The following ATG2B variants were observed in gnomAD, a reference collection of about 807,000 sequenced individuals.
ATG2B encodes the protein autophagy related 2B.
ATG2B carries 121 observed loss-of-function variants against 241.3 expected under a neutral mutation model. The ratio of observed to expected loss-of-function variants is 0.50; its 90% CI spans 0.43 to 0.58. The LOEUF (loss-of-function observed/expected upper bound fraction) is 0.58, where lower values mean the gene tolerates loss of function less well. ATG2B is among the 20% of genes least tolerant of loss of function. The pLI, the probability that ATG2B is intolerant of heterozygous loss-of-function variation, is 0.00. For missense variants in ATG2B, 2,306 were observed against 2,491.6 expected (o/e 0.93, Z 1.59); for synonymous variants, 858 against 876.6 (o/e 0.98, Z 0.37).
At chr14:96,327,435 T>G (rs1395156578) in intron 14 of ATG2B, among the ~76,000 whole-genome samples, 1 of 152,132 alleles carries the variant, frequency 6.6e-6, no homozygotes, top group East Asian at 1.9e-4. Context: ...TTTAATTTGC[T>G]TAGAAAAGAC....
At chr14:96,293,354 T>C (rs936352984) in intron 36 of ATG2B, 1 of 152,018 alleles carries the variant, frequency 6.6e-6, no homozygotes, top group Non-Finnish European at 1.5e-5. Context: ...CTCACTTTTT[T>C]TTTCTCCATG....
In ATG2B at chr14:96,284,762, A is replaced by C. The variant is rs1453869269; in HGVS notation, c.*993T>G. On this transcript the variant is annotated 3_prime_UTR_variant, in exon 42 of 42. Coordinates refer to ENST00000359933, the MANE Select transcript of ATG2B (RefSeq NM_018036.7). ...AAAACAATATCACCTTTAAATAAAA[A>C]TACTTTATTCATTCCTGATAGGTTA... The C allele has an allele frequency of 6.6e-6, 1 of 152,258 alleles. No individual in the cohort carries two copies. Among genetic ancestry groups the C allele is most frequent in the Admixed American group, 6.5e-5 (1 of 15,286 alleles). The allele number at this position is 152,258 out of a possible 1,614,324, so 9.4% of individuals were successfully genotyped here.
rs370728333 is a variant in ATG2B, at chr14:96,303,230, G to A, written c.4868C>T (p.Pro1623Leu). 1.3e-5 allele frequency: 20 copies of A among 1,594,702 alleles called. No individual in the cohort carries two copies. In the African/African-American group the frequency reaches 1.5e-4, roughly 12 times the overall value. ...GGAATCACAATCAGGTTTGCATGGC[G>A]GGTAGACTTCATGCTGAAACTTCAC... The part of the protein sequence containing the change: ...SKVKFQHEVY[P>L]PCKPDCDSSL... The change falls in exon 33 of 42, where the codon CCG (proline) becomes CTG (leucine). Residue 1623 changes from proline (P) to leucine (L), a missense_variant. Pro to Leu is a moderately conservative substitution (Grantham distance 98). This residue lies in a region of ATG2B where 1,927 missense variants were observed against 2,011.2 expected (regional missense o/e 0.96). Transcript: ENST00000359933.
chr14:96,298,469 A>C (rs1886707304), intron 34 of ATG2B, among the ~76,000 whole-genome samples: 1 of 152,254 alleles, frequency 6.6e-6, no homozygotes, highest in African/African-American at 2.4e-5. Context: ...GCCCATAAAA[A>C]GACTTCTACA....
chr14:96,292,451 T>G (rs868603174), intron 36 of ATG2B, among the ~76,000 whole-genome samples: 4 of 152,156 alleles, frequency 2.6e-5, no homozygotes, highest in African/African-American at 9.6e-5. Flanking sequence ...TATTCTTATA[T>G]ATATTCACAA....
intron 29 of ATG2B, 138 bp from the exon 30 acceptor site, chr14:96,307,054 G>T: frequency 1.3e-6 from 1 of 742,020 alleles, no homozygotes; most frequent in Non-Finnish European, 2.1e-6. Flanking sequence ...CTATGAATCT[G>T]AGGCTTAAAG....
chr14:96,280,138 C>A lies in ATG2B; in HGVS notation c.*5617G>T, dbSNP rs898039719. On this transcript the variant is annotated 3_prime_UTR_variant, in exon 42 of 42. Coordinates refer to ENST00000359933, the MANE Select transcript of ATG2B (RefSeq NM_018036.7). ...CAGAAGAGGGGAGAGGGGCTGGAGA[C>A]GCCAGGAAGAGATCAAGCACATTTT... 1 of 152,246 alleles carries A rather than the reference C, an allele frequency of 6.6e-6. No homozygotes were observed. Among genetic ancestry groups the A allele is most frequent in the African/African-American group, 2.4e-5 (1 of 41,440 alleles). 9.4% of individuals were successfully genotyped at this position (152,246 alleles called of 1,614,324 possible).
chr14:96,290,275 A>G lies in ATG2B; in HGVS notation c.5856+161T>C. On this transcript the variant is annotated intron_variant, in intron 40 of 41. Coordinates refer to ENST00000359933, the MANE Select transcript of ATG2B (RefSeq NM_018036.7). This position sits in a 1 kb window ranked among gnomAD's most constrained non-coding sequence, Gnocchi z 4.4. The stretch of plus-strand genomic sequence containing the variant: ...TGCTTTATTCTAATTATTTAACACT[A>G]AACATTTAAGCAATAAAACAAGCAT... 2 of 1,262,028 alleles carry G rather than the reference A, an allele frequency of 1.6e-6. No homozygotes were observed. The highest frequency in any genetic ancestry group is 2.1e-6 in the Non-Finnish European group (2 of 946,792). 78.2% of individuals were successfully genotyped at this position (1,262,028 alleles called of 1,614,324 possible).
intron 28 of ATG2B, among the ~76,000 whole-genome samples, chr14:96,310,105 G>A (rs1887108890): frequency 6.6e-6 from 1 of 152,154 alleles, no homozygotes; most frequent in South Asian, 2.1e-4. Context: ...CCAATGGTTG[G>A]TGAACTGTAG....
At chr14:96,302,578 G>GA (rs1886821677) in intron 33 of ATG2B, among the ~76,000 whole-genome samples, 1 of 131,966 alleles carries the variant, frequency 7.6e-6, no homozygotes, top group East Asian at 2.0e-4. Flanking sequence ...ACTGTTGGGG[G>GA]GAAAAAAAAA....
chr14:96,304,483 A>T lies in ATG2B; in HGVS notation c.4842+12T>A. ...CTACTTAAGTGGATTTTTCCTTCAAATGCCATCTTACCTTGCTTAGCTGTA... is the reference window on the plus strand; with the variant it reads ...CTACTTAAGTGGATTTTTCCTTCAATTGCCATCTTACCTTGCTTAGCTGTA... On this transcript the variant is annotated intron_variant, in intron 32 of 41. Coordinates refer to ENST00000359933, the MANE Select transcript of ATG2B (RefSeq NM_018036.7). 1 of 1,601,270 alleles carries T rather than the reference A, an allele frequency of 6.2e-7. No homozygotes were observed. Among genetic ancestry groups the T allele is most frequent in the Admixed American group, 1.7e-5 (1 of 58,894 alleles).
In ATG2B at chr14:96,290,547, G is replaced by A; in HGVS notation, c.5745C>T (p.Tyr1915=). ...CTCTGACAATGCGGCCATCCTTCCG[G>A]TACTGCTCTATTGGGAGCCAGACCA... is the stretch of plus-strand genomic sequence containing the variant. ...KDLVWLPIEQ[Y]RKDGRIVRGF... The change falls in exon 40 of 42, where the codon TAC becomes TAT. Residue 1915 remains tyrosine (Y), a synonymous_variant. Coordinates refer to ENST00000359933, the MANE Select transcript of ATG2B (RefSeq NM_018036.7). This position sits in a 1 kb window ranked among gnomAD's most constrained non-coding sequence, Gnocchi z 4.4. 6.2e-7 allele frequency: 1 copy of A among 1,614,154 alleles called. No individual in the cohort carries two copies. The highest frequency in any genetic ancestry group is 2.2e-5 in the East Asian group (1 of 44,880).
chr14:96,363,066 G>GCCTAAGCCTGGGGCGGCC lies in ATG2B; in HGVS notation c.-108_-91dup. 1 of 1,496,250 alleles carries GCCTAAGCCTGGGGCGGCC rather than the reference G, an allele frequency of 6.7e-7. No homozygotes were observed. The highest frequency in any genetic ancestry group is 1.4e-5 in the African/African-American group (1 of 72,142). The allele number at this position is 1,496,250 out of a possible 1,614,324, so 92.7% of individuals were successfully genotyped here. On this transcript the variant is annotated 5_prime_UTR_variant, in exon 1 of 42. Coordinates refer to ENST00000359933, the MANE Select transcript of ATG2B (RefSeq NM_018036.7). ...GACTCCGGCTCCAGGCCGCGGCGGG[G>GCCTAAGCCTGGGGCGGCC]CCTAAGCCTGGGGCGGCCCCTCCAT...
intron 29 of ATG2B, 86 bp downstream of exon 29, chr14:96,309,367 A>T (rs182072860): frequency 3.4e-5 from 51 of 1,480,624 alleles, no homozygotes; most frequent in Admixed American, 3.2e-4. Context: ...CGTCTTTAAT[A>T]AGTGACTTAT....
Position 96,290,780 on chromosome 14 carries a change from A to G in ATG2B, c.5701+34T>C. The G allele has an allele frequency of 6.3e-7, 1 of 1,589,466 alleles. No homozygotes were observed. The highest frequency in any genetic ancestry group is 8.5e-7 in the Non-Finnish European group (1 of 1,171,212). On this transcript the variant is annotated intron_variant, in intron 39 of 41. Coordinates refer to ENST00000359933, the MANE Select transcript of ATG2B (RefSeq NM_018036.7). The surrounding 1 kb of genome is among the most constrained non-coding windows in gnomAD (Gnocchi z 4.4). ...TAAGAATTACTCATCTGAAAAAATA[A>G]CTTATCTTTTGATTAAAAAAGAAGA... is the stretch of plus-strand genomic sequence containing the variant.
Position 96,322,658 on chromosome 14 carries a change from T to C in ATG2B, c.2618A>G (p.Asp873Gly), listed in dbSNP as rs1425356910. 9.9e-6 allele frequency: 16 copies of C among 1,613,794 alleles called. No individual in the cohort carries two copies. Among genetic ancestry groups the C allele is most frequent in the Non-Finnish European group, 1.4e-5 (16 of 1,179,850 alleles). The change falls in exon 17 of 42, where the codon GAT becomes GGT. Residue 873 changes from aspartate (D) to glycine (G), a missense_variant. This residue lies in a region of ATG2B where 1,927 missense variants were observed against 2,011.2 expected (regional missense o/e 0.96). Transcript: ENST00000359933. ...TTCCTCTTCCTCCTGGTAGTGACCATCATTCTCCTCTTCTTCTTCAGCTGC... is the reference window on the plus strand; with the variant it reads ...TTCCTCTTCCTCCTGGTAGTGACCACCATTCTCCTCTTCTTCTTCAGCTGC... ...RIAAEEEEEN[D>G]GHYQEEEEGG...
rs1886415283 is a variant in ATG2B, at chr14:96,289,169, T to C, written c.6006+487A>G. Among the ~76,000 whole-genome samples, 1 of 152,210 alleles carries C rather than the reference T, an allele frequency of 6.6e-6. No homozygotes were observed. The highest frequency in any genetic ancestry group is 2.1e-4 in the South Asian group (1 of 4,836). On this transcript the variant is annotated intron_variant, in intron 41 of 41. Coordinates refer to ENST00000359933, the MANE Select transcript of ATG2B (RefSeq NM_018036.7). This position sits in a 1 kb window ranked among gnomAD's most constrained non-coding sequence, Gnocchi z 4.3. The stretch of plus-strand genomic sequence containing the variant: ...GAAACTTTTAAAACATTAACACTAG[T>C]ATGTTTTGCTTATAAATACATACTA...
chr14:96,315,154 C>T lies in ATG2B; in HGVS notation c.3642G>A (p.Gln1214=), dbSNP rs1566722489. The T allele has an allele frequency of 4.3e-6, 7 of 1,612,976 alleles. 1 individual carries two copies. The Admixed American group carries it at 1.2e-4, about 27-fold the overall frequency. The change falls in exon 23 of 42, where the codon CAG becomes CAA. Residue 1214 remains glutamine, a splice_region_variant and synonymous_variant. Transcript: ENST00000359933. ...AATACATATATAACAGCTCTCTTAC[C>T]TGCTCATGCCAGCTAAGCCCAGAAG... ...MLPSGLSWHE[Q]ILYFLNIADE...
Position 96,282,119 on chromosome 14 carries a change from C to A in ATG2B, c.*3636G>T, listed in dbSNP as rs556426410. ...TATTTGTCTTATATGAAAAGAGTGA[C>A]TCTATCTTCCAGTAAACAAGATTTC... On this transcript the variant is annotated 3_prime_UTR_variant, in exon 42 of 42. Coordinates refer to ENST00000359933, the MANE Select transcript of ATG2B (RefSeq NM_018036.7). 2.0e-5 allele frequency: 3 copies of A among 152,302 alleles called. No individual in the cohort carries two copies. The East Asian group carries it at 5.8e-4, about 29-fold the overall frequency. The allele number at this position is 152,302 out of a possible 1,614,324, so 9.4% of individuals were successfully genotyped here.
Sources: gnomAD v4.1 joint callset for allele counts (sites outside exome capture counted in the v4.1 genomes callset) on GRCh38, gnomAD v4.1.1 for gene constraint, gnomAD v4.1.1 regional missense constraint, Gnocchi (gnomAD v3.1) non-coding constraint, MANE v1.5 for transcripts, NCBI Gene and HGNC (gene_info 2026-07-23, HGNC 2026-07-21) for gene names.